SHANK2: variants seen among roughly 807,000 people sequenced by gnomAD.
The protein encoded by SHANK2 is SH3 and multiple ankyrin repeat domains 2.
Under a neutral mutation model 133.7 loss-of-function variants are expected in SHANK2, and 43 were observed. The observed-to-expected ratio is 0.32, with a 90% CI of 0.25 to 0.41. The LOEUF (loss-of-function observed/expected upper bound fraction) is 0.41. Ranked by LOEUF, SHANK2 falls within the 10% of genes least tolerant of loss-of-function variation. SHANK2 has a pLI of 1.00. For synonymous variants in SHANK2, 1,017 were observed against 952.8 expected, an observed-to-expected ratio of 1.07 and a Z score of -1.24; for missense variants, 1,994 against 2,235.8, an observed-to-expected ratio of 0.89 and a Z score of 2.18.
intron 11 of SHANK2, among the ~76,000 whole-genome samples, 165 bp from the exon 12 acceptor site, chr11:70,820,847 G>A (rs1948503777): frequency 6.6e-6 from 1 of 152,170 alleles, no homozygotes; most frequent in African/African-American, 2.4e-5. Context: ...ACTCCACCAG[G>A]CCCAGAACTC....
chr11:70,683,630 GCCACGCTC>G (rs1945078924), intron 15 of SHANK2, among the ~76,000 whole-genome samples: 2 of 152,182 alleles, frequency 1.3e-5, no homozygotes, highest in Admixed American at 1.3e-4. Flanking sequence ...CATCGGCAGG[GCCACGCTC>G]CCTCAGGAGG....
intron 14 of SHANK2, among the ~76,000 whole-genome samples, chr11:70,748,379 C>A: frequency 6.6e-6 from 1 of 152,108 alleles, no homozygotes; most frequent in East Asian, 1.9e-4. Flanking sequence ...GGTGAACATC[C>A]ACTAACCAGA....
In SHANK2 at chr11:70,766,512, C is replaced by A. The variant is rs185281140; in HGVS notation, c.1777+31931G>T. Among the ~76,000 whole-genome samples the A allele has an allele frequency of 4.2e-3, 635 of 152,286 alleles. 3 individuals carry two copies. Among genetic ancestry groups the A allele is most frequent in the Non-Finnish European group, 7.2e-3 (489 of 68,008 alleles). On this transcript the variant is annotated intron_variant, in intron 14 of 25. Transcript: ENST00000601538. ...GATTTTTGTGTTAATTTGAAAGCAT[C>A]TTATTTGATGCTTTCGAATTACAGA...
intron 11 of SHANK2, among the ~76,000 whole-genome samples, chr11:70,849,671 G>A (rs1949054080): frequency 6.6e-6 from 1 of 152,158 alleles, no homozygotes; most frequent in African/African-American, 2.4e-5. Context: ...ATTTTCTTAT[G>A]AGGGCATTTA....
chr11:70,896,241 C>G, intron 11 of SHANK2: 1 of 375,074 alleles, frequency 2.7e-6, no homozygotes, highest in Non-Finnish European at 4.7e-6. Flanking sequence ...CAGGGACTGT[C>G]AGAATAGATC....
chr11:70,597,087 T>C (rs1554989733), intron 17 of SHANK2, among the ~76,000 whole-genome samples: 1 of 152,000 alleles, frequency 6.6e-6, no homozygotes, highest in Non-Finnish European at 1.5e-5. Context: ...GCACCGGTGC[T>C]CAGGGGGTGA....
intron 11 of SHANK2, among the ~76,000 whole-genome samples, chr11:70,876,289 C>CG (rs1176075371): frequency 8.6e-6 from 1 of 116,246 alleles, no homozygotes; most frequent in Non-Finnish European, 1.8e-5. Context: ...TGGCTGGGTG[C>CG]GGTGGCTCAC....
At chr11:71,108,664 G>A (rs1382380225) in intron 6 of SHANK2, among the ~76,000 whole-genome samples, 3 of 152,306 alleles carry the variant, frequency 2.0e-5, no homozygotes, top group South Asian at 2.1e-4. Context: ...ATGGAGGATC[G>A]GCGCAGGGCC....
rs375403380 is a variant in SHANK2 at position 70,941,921 on chromosome 11, T to C, written c.1108-45354A>G. On this transcript the variant is annotated intron_variant, in intron 10 of 25. Coordinates refer to ENST00000601538, the MANE Select transcript of SHANK2 (RefSeq NM_012309.5). ...TTTCAAAAGAAAAGAGGGCTGTGTG[T>C]GGTGACTCATTCCTGTAATCCCAGC... 3.4e-3 allele frequency among the ~76,000 whole-genome samples: 523 copies of C among 151,974 alleles called. 4 individuals are homozygous for C. Among genetic ancestry groups the C allele is most frequent in the African/African-American group, 0.012 (489 of 41,490 alleles).
intron 7 of SHANK2, among the ~76,000 whole-genome samples, chr11:71,093,972 G>A (rs539692659): frequency 2.0e-4 from 31 of 152,246 alleles, no homozygotes; most frequent in Admixed American, 1.7e-3. Flanking sequence ...GCAGGGGCAC[G>A]GAGCAGTAAG....
intron 17 of SHANK2, among the ~76,000 whole-genome samples, chr11:70,519,601 C>T (rs1408853131): frequency 2.0e-5 from 3 of 151,914 alleles, no homozygotes; most frequent in Non-Finnish European, 4.4e-5. Context: ...AAGCCGAGAT[C>T]GCACCATTGC....
At chr11:70,740,160 G>A (rs1324268039) in intron 14 of SHANK2, among the ~76,000 whole-genome samples, 2 of 120,168 alleles carry the variant, frequency 1.7e-5, no homozygotes, top group Non-Finnish European at 1.8e-5. Context: ...TCATGGCTCC[G>A]TCCACAGCAG....
At chr11:70,499,715 G>T (rs1178533285) in intron 21 of SHANK2, among the ~76,000 whole-genome samples, 1 of 152,204 alleles carries the variant, frequency 6.6e-6, no homozygotes, top group African/African-American at 2.4e-5. Flanking sequence ...TAGAAAGCCC[G>T]CTGGGAGTTT....
At chr11:70,478,294 C>T (rs1440079060) in intron 25 of SHANK2, among the ~76,000 whole-genome samples, 1 of 151,986 alleles carries the variant, frequency 6.6e-6, no homozygotes, top group African/African-American at 2.4e-5. Context: ...TGCTCTTTAA[C>T]TGTAGCTGAA....
At chr11:70,650,676 C>A (rs886144596) in intron 17 of SHANK2, among the ~76,000 whole-genome samples, 3 of 152,198 alleles carry the variant, frequency 2.0e-5, no homozygotes, top group African/African-American at 7.2e-5. Flanking sequence ...ACATTCCTGA[C>A]CCCCTAAGCT....
At chr11:71,085,650 T>A (rs1325872702) in intron 8 of SHANK2, among the ~76,000 whole-genome samples, 6 of 25,346 alleles carry the variant, frequency 2.4e-4, no homozygotes, top group African/African-American at 3.7e-4. Flanking sequence ...ATATATTATG[T>A]TATATATTAT....
rs913911725 is a variant in SHANK2, at chr11:70,830,577, C to T, written c.1175-9895G>A. 3.9e-5 allele frequency among the ~76,000 whole-genome samples: 6 copies of T among 152,222 alleles called. No individual in the cohort carries two copies. Among genetic ancestry groups the T allele is most frequent in the Non-Finnish European group, 7.3e-5 (5 of 68,036 alleles). ...CCGCAGAACTCCGGGAATTCGCTAGCGCCCTTCCCATCTCTAAAACAAGTA... is the reference window on the plus strand; with the variant it reads ...CCGCAGAACTCCGGGAATTCGCTAGTGCCCTTCCCATCTCTAAAACAAGTA... On this transcript the variant is annotated intron_variant, in intron 11 of 25. Coordinates refer to ENST00000601538, the MANE Select transcript of SHANK2 (RefSeq NM_012309.5). The surrounding 1 kb of genome is among the most constrained non-coding windows in gnomAD (Gnocchi z 4.4).
intron 17 of SHANK2, among the ~76,000 whole-genome samples, chr11:70,644,278 C>T (rs2061229349): frequency 6.6e-6 from 1 of 152,154 alleles, no homozygotes; most frequent in Admixed American, 6.5e-5. Flanking sequence ...CCAGAACTTT[C>T]TCATCCTCCC....
intron 10 of SHANK2, among the ~76,000 whole-genome samples, chr11:70,934,908 G>A (rs1950550716): frequency 6.6e-6 from 1 of 152,142 alleles, no homozygotes. Flanking sequence ...GGACCGCGAT[G>A]CAAACCAAAG....
Sources: gnomAD v4.1 joint callset for allele counts (sites outside exome capture counted in the v4.1 genomes callset) on GRCh38, gnomAD v4.1.1 for gene constraint, Gnocchi (gnomAD v3.1) non-coding constraint, MANE v1.5 for transcripts, NCBI Gene and HGNC (gene_info 2026-07-23, HGNC 2026-07-21) for gene names.